FRMD4A: variants seen among roughly 807,000 people sequenced by gnomAD.
FRMD4A encodes FERM domain-containing protein 4A.
Under a neutral mutation model 129.1 loss-of-function variants are expected in FRMD4A, and 29 were observed. That is an observed-to-expected ratio of 0.22 (90% CI 0.17 to 0.31). FRMD4A has a LOEUF of 0.31. Among genes scored for constraint, FRMD4A ranks in the 10% least tolerant of loss-of-function variants. The pLI is 1.00. For missense variants in FRMD4A, 1,272 were observed against 1,375.8 expected, an observed-to-expected ratio of 0.92 and a Z score of 1.19; for synonymous variants, 634 against 571.6, an observed-to-expected ratio of 1.11 and a Z score of -1.56.
At chr10:13,971,107 C>T (rs886508607) in intron 2 of FRMD4A, among the ~76,000 whole-genome samples, 1 of 152,172 alleles carries the variant, frequency 6.6e-6, no homozygotes, top group South Asian at 2.1e-4. Flanking sequence ...CACACACACA[C>T]GTGCACACAT....
At chr10:13,861,807 C>T (rs2094298807) in intron 2 of FRMD4A, among the ~76,000 whole-genome samples, 1 of 152,202 alleles carries the variant, frequency 6.6e-6, no homozygotes, top group Non-Finnish European at 1.5e-5. Flanking sequence ...AAAAATCCAT[C>T]AGCTTCCTTT....
intron 2 of FRMD4A, among the ~76,000 whole-genome samples, chr10:14,157,925 T>C (rs1840681455): frequency 6.6e-6 from 1 of 151,984 alleles, no homozygotes; most frequent in African/African-American, 2.4e-5. Context: ...CTGGGGACAA[T>C]AGAATTTTCA....
intron 2 of FRMD4A, among the ~76,000 whole-genome samples, chr10:14,263,902 TG>T (rs1353484579): frequency 6.6e-6 from 1 of 152,124 alleles, no homozygotes; most frequent in African/African-American, 2.4e-5. Flanking sequence ...AGATTGGAAC[TG>T]GGGAATAAGC....
chr10:13,790,495 A>G (rs1108843), intron 5 of FRMD4A, among the ~76,000 whole-genome samples: 106,742 of 152,016 alleles, frequency 0.7, 37,799 homozygotes, highest in Middle Eastern at 0.79. Flanking sequence ...ACCAGGGCTC[A>G]AGGGACAGCA....
intron 3 of FRMD4A, among the ~76,000 whole-genome samples, chr10:13,844,839 C>T (rs533849013): frequency 2.6e-5 from 4 of 152,130 alleles, no homozygotes; most frequent in Admixed American, 6.5e-5. Flanking sequence ...TCCCACCGTG[C>T]GCTACAAAAT....
intron 2 of FRMD4A, among the ~76,000 whole-genome samples, chr10:14,293,900 C>T (rs1207815350): frequency 1.3e-5 from 2 of 151,972 alleles, no homozygotes; most frequent in Non-Finnish European, 2.9e-5. Context: ...CATTATATAT[C>T]AATGTTAAGG....
chr10:14,288,799 C>T (rs949815739), intron 2 of FRMD4A, among the ~76,000 whole-genome samples: 1 of 152,048 alleles, frequency 6.6e-6, no homozygotes, highest in African/African-American at 2.4e-5. Context: ...TCCTCCAGCC[C>T]CTGCAACCAC....
chr10:14,174,879 CTGTGTGTGTGTGTG>C (rs56966643), intron 2 of FRMD4A, among the ~76,000 whole-genome samples: 26 of 87,636 alleles, frequency 3.0e-4, no homozygotes, highest in South Asian at 8.6e-4. Flanking sequence ...GTGTGTGTGT[CTGTGTGTGTGTGTG>C]TGTGTGTGTG....
At chr10:13,787,243 T>C (rs2092888169) in intron 5 of FRMD4A, among the ~76,000 whole-genome samples, 1 of 152,156 alleles carries the variant, frequency 6.6e-6, no homozygotes, top group South Asian at 2.1e-4. Flanking sequence ...TCCGGGCCTG[T>C]CATATCATTG....
intron 2 of FRMD4A, among the ~76,000 whole-genome samples, chr10:14,106,865 C>A (rs1388293028): frequency 1.7e-5 from 1 of 57,860 alleles, no homozygotes; most frequent in Admixed American, 1.4e-4. Flanking sequence ...TGGATATATA[C>A]CCAAAATCAT....
At chr10:14,326,710 T>A (rs1378985436) in intron 2 of FRMD4A, 1 of 397,038 alleles carries the variant, frequency 2.5e-6, no homozygotes, top group Non-Finnish European at 4.4e-6. Context: ...AAACTAATCC[T>A]CGGCTCTAGC....
intron 2 of FRMD4A, among the ~76,000 whole-genome samples, chr10:14,011,443 C>A (rs2095682024): frequency 6.6e-6 from 1 of 152,132 alleles, no homozygotes; most frequent in Non-Finnish European, 1.5e-5. Context: ...CTTGGAGACC[C>A]ATCCAGTGGG....
At chr10:14,117,334 G>A (rs1033039707) in intron 2 of FRMD4A, among the ~76,000 whole-genome samples, 3 of 152,210 alleles carry the variant, frequency 2.0e-5, no homozygotes, top group Non-Finnish European at 2.9e-5. Context: ...CTAATGAGGT[G>A]GCCCTAGCAA....
chr10:14,076,998 C>G (rs952667938), intron 2 of FRMD4A, among the ~76,000 whole-genome samples: 4 of 152,208 alleles, frequency 2.6e-5, no homozygotes, highest in African/African-American at 9.6e-5. Flanking sequence ...AGTCTGGAGG[C>G]TTACAGAGAA....
intron 2 of FRMD4A, among the ~76,000 whole-genome samples, chr10:14,284,442 A>G (rs1386168043): frequency 1.3e-5 from 2 of 152,150 alleles, no homozygotes; most frequent in Non-Finnish European, 2.9e-5. Context: ...AGATCAGGAC[A>G]TCAAGACCGT....
At chr10:13,702,342 G>A (rs374424296) in intron 13 of FRMD4A, among the ~76,000 whole-genome samples, 2 of 152,150 alleles carry the variant, frequency 1.3e-5, no homozygotes, top group African/African-American at 4.8e-5. Flanking sequence ...CGGATTACAG[G>A]CATGAGCCAC....
At chr10:14,284,760 G>T (rs1845629961) in intron 2 of FRMD4A, among the ~76,000 whole-genome samples, 1 of 152,158 alleles carries the variant, frequency 6.6e-6, no homozygotes, top group African/African-American at 2.4e-5. Context: ...TATATGCATT[G>T]GTATACTACT....
chr10:13,930,070 A>G lies in FRMD4A; in HGVS notation c.46-71158T>C, dbSNP rs527331498. On this transcript the variant is annotated intron_variant, in intron 2 of 24. Coordinates refer to ENST00000357447, the MANE Select transcript of FRMD4A (RefSeq NM_018027.5). ...CAATTTTCTCTCCAAGAAAAAAAAT[A>G]CATTTAATTTCCAGACAGGAGGGAT... is the stretch of plus-strand genomic sequence containing the variant. Among the ~76,000 whole-genome samples, 5 of 152,336 alleles carry G rather than the reference A, an allele frequency of 3.3e-5. No individual in the cohort carries two copies. In the South Asian group the frequency reaches 1.0e-3, roughly 32 times the overall value.
At chr10:13,867,392 C>T (rs1446375876) in intron 2 of FRMD4A, among the ~76,000 whole-genome samples, 4 of 151,628 alleles carry the variant, frequency 2.6e-5, no homozygotes, top group African/African-American at 7.3e-5. Context: ...TCCCAAGTAG[C>T]TGGGATTACA....
Sources: allele counts gnomAD v4.1 joint callset (sites outside exome capture counted in the v4.1 genomes callset), GRCh38; gene constraint gnomAD v4.1.1; transcripts MANE v1.5; gene names NCBI Gene and HGNC (gene_info 2026-07-23, HGNC 2026-07-21).